The following RASGRF1 variants were observed in gnomAD, a reference collection of about 807,000 sequenced individuals.
RASGRF1 encodes Ras protein specific guanine nucleotide releasing factor 1, also known as ras-specific guanine nucleotide-releasing factor 1.
RASGRF1 carries 40 observed loss-of-function variants against 138.7 expected under a neutral mutation model. The observed-to-expected ratio is 0.29, with a 90% CI of 0.22 to 0.38. The LOEUF (loss-of-function observed/expected upper bound fraction) is 0.38. RASGRF1 is among the 10% of genes least tolerant of loss of function. The probability of loss-of-function intolerance (pLI) is 1.00; values close to 1 mark genes in which losing one functional copy is unlikely to be tolerated. For synonymous variants in RASGRF1, 614 were observed against 663.2 expected (o/e 0.93, Z 1.14); for missense variants, 1,108 against 1,650.4 (o/e 0.67, Z 5.69).
intron 26 of RASGRF1, among the ~76,000 whole-genome samples, chr15:78,963,340 C>T (rs1011299375): frequency 6.6e-6 from 1 of 151,454 alleles, no homozygotes; most frequent in Non-Finnish European, 1.5e-5. Context: ...CTTGCTCTGT[C>T]GCCCAGTCTG....
intron 2 of RASGRF1, among the ~76,000 whole-genome samples, chr15:79,061,922 G>T (rs1367879748): frequency 2.0e-5 from 3 of 152,200 alleles, no homozygotes; most frequent in Admixed American, 6.5e-5. Flanking sequence ...TAAGCACTAA[G>T]AAGTGGAACT....
intron 13 of RASGRF1, among the ~76,000 whole-genome samples, chr15:79,008,477 T>G (rs2141733691): frequency 6.6e-6 from 1 of 152,350 alleles, no homozygotes; most frequent in Admixed American, 6.5e-5. Context: ...TGATTTGGTT[T>G]CCACCAAGAT....
At chr15:78,967,757 C>A (rs2055671180) in intron 26 of RASGRF1, among the ~76,000 whole-genome samples, 1 of 152,056 alleles carries the variant, frequency 6.6e-6, no homozygotes, top group South Asian at 2.1e-4. Context: ...AATATAAAAA[C>A]TATGCATACA....
At chr15:79,071,540 T>G (rs2057755965) in intron 1 of RASGRF1, among the ~76,000 whole-genome samples, 1 of 151,704 alleles carries the variant, frequency 6.6e-6, no homozygotes, top group South Asian at 2.1e-4. Context: ...TTTTTTTTTT[T>G]TGTATTTTTA....
At chr15:79,014,923 AC>A (rs200114164) in intron 13 of RASGRF1, among the ~76,000 whole-genome samples, 46,062 of 94,170 alleles carry the variant, frequency 0.49, 7,849 homozygotes, top group South Asian at 0.57. Context: ...TCTCAAAAAA[AC>A]AAAAAACAAA....
At chr15:78,998,852 A>G in intron 17 of RASGRF1, 27 bp from the exon 18 acceptor site, 7 of 1,561,576 alleles carry the variant, frequency 4.5e-6, no homozygotes, top group Non-Finnish European at 6.2e-6. Context: ...CAGAGGGGAG[A>G]GAGGACAGGT....
chr15:79,021,094 C>T (rs1027675609), intron 10 of RASGRF1, among the ~76,000 whole-genome samples: 10 of 152,180 alleles, frequency 6.6e-5, no homozygotes, highest in Non-Finnish European at 1.2e-4. Context: ...GTTGAACCTT[C>T]GGAACACTGC....
At chr15:79,075,227 C>T (rs1305910030) in intron 1 of RASGRF1, among the ~76,000 whole-genome samples, 1 of 152,220 alleles carries the variant, frequency 6.6e-6, no homozygotes, top group South Asian at 2.1e-4. Context: ...ACTATACCTG[C>T]GACCTACCAG....
chr15:79,085,598 T>C lies in RASGRF1; in HGVS notation c.276+4625A>G, dbSNP rs147088479. 3.9e-3 allele frequency among the ~76,000 whole-genome samples: 601 copies of C among 152,282 alleles called. 5 individuals are homozygous for C. Among genetic ancestry groups the C allele is most frequent in the African/African-American group, 0.014 (573 of 41,552 alleles). ...GAATGTGCTATAACTCCAAGGAGTA[T>C]GTGCTTTATGGTGACAACAGAATAG... On this transcript the variant is annotated intron_variant, in intron 1 of 26. Coordinates refer to ENST00000558480, the MANE Select transcript of RASGRF1 (RefSeq NM_001145648.3).
intron 2 of RASGRF1, among the ~76,000 whole-genome samples, chr15:79,061,413 AATATAT>A (rs57956576): frequency 9.4e-5 from 11 of 117,056 alleles, no homozygotes; most frequent in South Asian, 8.2e-4. Context: ...CTATCTTTAA[AATATAT>A]ATATATATAT....
rs1202924580 is a variant in RASGRF1, at chr15:79,064,431, A to G, written c.372T>C (p.Ile124=). The G allele has an allele frequency of 6.2e-7, 1 of 1,614,116 alleles. No homozygotes were observed. Among genetic ancestry groups the G allele is most frequent in the South Asian group, 1.1e-5 (1 of 91,074 alleles). Residue 124 remains isoleucine (I), a synonymous_variant, in exon 2 of 27, where the codon ATT becomes ATC. Transcript: ENST00000558480. The part of the protein sequence containing the change: ...AKDCDEWVAA[I]AHASYRTLAT... The stretch of plus-strand genomic sequence containing the variant: ...GCAAGGAGACATACCTGGCATGTGC[A>G]ATGGCTGCCACCCATTCGTCACAAT...
intron 13 of RASGRF1, among the ~76,000 whole-genome samples, chr15:79,013,139 C>G (rs1235980456): frequency 6.6e-6 from 1 of 152,186 alleles, no homozygotes; most frequent in East Asian, 1.9e-4. Flanking sequence ...CCATTTACAA[C>G]GTGAGAAACC....
intron 26 of RASGRF1, among the ~76,000 whole-genome samples, chr15:78,970,145 A>G (rs2055722323): frequency 6.6e-6 from 1 of 152,202 alleles, no homozygotes; most frequent in South Asian, 2.1e-4. Context: ...GGTGTGCTTG[A>G]GGGTGTGTCT....
At chr15:79,013,884 G>A in intron 13 of RASGRF1, among the ~76,000 whole-genome samples, 1 of 152,078 alleles carries the variant, frequency 6.6e-6, no homozygotes, top group East Asian at 1.9e-4. Flanking sequence ...CCTGCGTTTT[G>A]GTTTTTCTGG....
chr15:79,026,912 G>A (rs2057065216), intron 9 of RASGRF1, among the ~76,000 whole-genome samples: 2 of 152,144 alleles, frequency 1.3e-5, no homozygotes, highest in Non-Finnish European at 1.5e-5. Flanking sequence ...AGGATGTAGG[G>A]GCCACCACAC....
rs763095425 is a variant in RASGRF1 at position 78,985,041 on chromosome 15, C to T, written c.3380G>A (p.Arg1127Gln). The T allele has an allele frequency of 5.0e-6, 8 of 1,614,092 alleles. No individual in the cohort carries two copies. The highest frequency in any genetic ancestry group is 1.7e-5 in the Admixed American group (1 of 60,002). The change falls in exon 23 of 27, where the codon CGG becomes CAG. Residue 1127 changes from arginine (R) to glutamine (Q), a missense_variant. Arg to Gln is a conservative substitution (Grantham distance 43). This residue lies in a region of RASGRF1 where 686 missense variants were observed against 976.7 expected (regional missense o/e 0.70). Coordinates refer to ENST00000558480, the MANE Select transcript of RASGRF1 (RefSeq NM_001145648.3). ...GACTTTGAGCCACGTCTTTTTGAGC[C>T]GGAAGATTGCACTGCGGTTCATGGA... ...TSSMNRSAIF[R>Q]LKKTWLKVSK...
At chr15:79,029,433 C>G (rs924642703) in intron 8 of RASGRF1, among the ~76,000 whole-genome samples, 1 of 152,134 alleles carries the variant, frequency 6.6e-6, no homozygotes, top group Non-Finnish European at 1.5e-5. Flanking sequence ...AACTAGTTTT[C>G]CTGAGCAGCT....
intron 16 of RASGRF1, among the ~76,000 whole-genome samples, chr15:79,001,252 G>A (rs1034838551): frequency 1.3e-5 from 2 of 151,136 alleles, no homozygotes; most frequent in African/African-American, 4.9e-5. Flanking sequence ...TCTGAACCAG[G>A]ATCTTCCATG....
chr15:78,999,322 G>A (rs2056465671), intron 17 of RASGRF1, among the ~76,000 whole-genome samples: 1 of 152,180 alleles, frequency 6.6e-6, no homozygotes, highest in South Asian at 2.1e-4. Context: ...AGGCCTGCAG[G>A]ATGGAAGTTT....
Sources: allele counts gnomAD v4.1 joint callset (sites outside exome capture counted in the v4.1 genomes callset), GRCh38; gene constraint gnomAD v4.1.1; regional missense constraint gnomAD v4.1.1; transcripts MANE v1.5; gene names NCBI Gene and HGNC (gene_info 2026-07-23, HGNC 2026-07-21).